The following SOHLH2 variants were observed in gnomAD, a reference collection of about 807,000 sequenced individuals.
SOHLH2 encodes the protein spermatogenesis- and oogenesis-specific basic helix-loop-helix-containing protein 2.
Under a neutral mutation model 50.4 loss-of-function variants are expected in SOHLH2, and 22 were observed. The ratio of observed to expected loss-of-function variants is 0.44; its 90% CI spans 0.31 to 0.62. The LOEUF is 0.62. SOHLH2 is among the 20% of genes least tolerant of loss of function. The probability of loss-of-function intolerance (pLI) is 0.08; values close to 1 mark genes in which losing one functional copy is unlikely to be tolerated. For missense variants in SOHLH2, 412 were observed against 504.4 expected (o/e 0.82, Z 1.76); for synonymous variants, 185 against 187.3 (o/e 0.99, Z 0.10).
At chr13:36,179,804 T>G (rs1887199826) in intron 6 of SOHLH2, among the ~76,000 whole-genome samples, 1 of 152,190 alleles carries the variant, frequency 6.6e-6, no homozygotes, top group Admixed American at 6.5e-5. Flanking sequence ...ATTTCTTGAT[T>G]TAATTTGCTA....
intron 6 of SOHLH2, among the ~76,000 whole-genome samples, chr13:36,175,841 G>A (rs967875667): frequency 6.6e-5 from 10 of 152,274 alleles, no homozygotes; most frequent in Non-Finnish European, 1.3e-4. Flanking sequence ...ATTCTGGGAA[G>A]GGAAGGATAG....
intron 1 of SOHLH2, among the ~76,000 whole-genome samples, 171 bp downstream of exon 1, chr13:36,214,308 G>T (rs544796427): frequency 6.6e-6 from 1 of 151,966 alleles, no homozygotes; most frequent in Non-Finnish European, 1.5e-5. Context: ...TCGGGGCGCC[G>T]GGGGAGAGTG....
At chr13:36,198,688 A>T (rs1369278656) in intron 2 of SOHLH2, among the ~76,000 whole-genome samples, 3 of 152,248 alleles carry the variant, frequency 2.0e-5, no homozygotes, top group Non-Finnish European at 4.4e-5. Flanking sequence ...TAGTTTTGTA[A>T]GATTAAATTT....
At chr13:36,202,983 T>TTGCAAGAAAGAACAGGTGAGG (rs1868518156) in intron 1 of SOHLH2, among the ~76,000 whole-genome samples, 1 of 152,208 alleles carries the variant, frequency 6.6e-6, no homozygotes, top group African/African-American at 2.4e-5. Context: ...TTCCTGAGGG[T>TTGCAAGAAAGAACAGGTGAGG]TGCAAGAAAG....
chr13:36,198,705 C>G (rs181322642), intron 2 of SOHLH2, among the ~76,000 whole-genome samples: 1 of 152,286 alleles, frequency 6.6e-6, no homozygotes, highest in Admixed American at 6.5e-5. Context: ...ATTTAAGAAT[C>G]TTTTAAGGAA....
Position 36,183,267 on chromosome 13 carries a change from C to CGTG in SOHLH2, c.641+6678_641+6679insCAC, listed in dbSNP as rs1285007953. The CGTG allele has an allele frequency of 4.9e-5, 12 of 243,270 alleles. No homozygotes were observed. In the East Asian group the frequency reaches 1.2e-3, roughly 24 times the overall value. The allele number at this position is 243,270 out of a possible 1,614,324, so 15.1% of individuals were successfully genotyped here. A position where few individuals can be genotyped will look rare whatever the true frequency, so the allele number is the denominator to read the frequency against. ...CTCAGTCTCTGGTATTTCTTTATAG[C>CGTG]AACACAAGAATGGACTAACACAATA... On this transcript the variant is annotated intron_variant, in intron 6 of 10. Coordinates refer to ENST00000379881, the MANE Select transcript of SOHLH2 (RefSeq NM_017826.3).
At chr13:36,172,281 G>A (rs1407419430) in intron 9 of SOHLH2, among the ~76,000 whole-genome samples, 1 of 152,244 alleles carries the variant, frequency 6.6e-6, no homozygotes, top group African/African-American at 2.4e-5. Context: ...ACAGGCATAT[G>A]CCTGTGGCCT....
At position 36,173,748 on chromosome 13, in the gene SOHLH2, C is replaced by G. The variant is rs1478927092; in HGVS notation, c.944G>C (p.Cys315Ser). 6 of 1,613,822 alleles carry G rather than the reference C, an allele frequency of 3.7e-6. No individual in the cohort carries two copies. Among genetic ancestry groups the G allele is most frequent in the African/African-American group, 1.3e-5 (1 of 74,924 alleles). The part of the protein sequence containing the change: ...ERGLQFLTNT[C>S]WNGCSTPDAE... ...ATCAGGAGTGGAGCACCCATTCCAG[C>G]ACGTATTAGTCAGGAATTGGAGCCC... is the stretch of plus-strand genomic sequence containing the variant. The change falls in exon 9 of 11, where the codon TGC becomes TCC. Residue 315 changes from cysteine to serine, a missense_variant. Cys to Ser is a moderately radical substitution (Grantham distance 112, BLOSUM62 -1). Transcript: ENST00000379881.
chr13:36,193,803 T>C lies in SOHLH2; in HGVS notation c.325+3A>G. The C allele has an allele frequency of 1.2e-6, 2 of 1,604,710 alleles. No homozygotes were observed. Among genetic ancestry groups the C allele is most frequent in the Non-Finnish European group, 1.7e-6 (2 of 1,177,774 alleles). On this transcript the variant is annotated splice_donor_region_variant and intron_variant, in intron 3 of 10. Coordinates refer to ENST00000379881, the MANE Select transcript of SOHLH2 (RefSeq NM_017826.3). Reference sequence around the variant, plus strand: ...ACAAATACTATATTTAGCAGGTACATACCTTTAAAATTTTCAGGGATTATA... The same window carrying C: ...ACAAATACTATATTTAGCAGGTACACACCTTTAAAATTTTCAGGGATTATA...
intron 1 of SOHLH2, among the ~76,000 whole-genome samples, chr13:36,213,768 GT>G: frequency 6.6e-6 from 1 of 152,306 alleles, no homozygotes; most frequent in Admixed American, 6.5e-5. Context: ...TCCACACAAA[GT>G]TGCCTGTTTG....
chr13:36,184,892 G>T (rs1031972122), intron 6 of SOHLH2, among the ~76,000 whole-genome samples: 1 of 152,102 alleles, frequency 6.6e-6, no homozygotes, highest in African/African-American at 2.4e-5. Context: ...CATGCATTAG[G>T]TATTTGTCCT....
intron 9 of SOHLH2, 66 bp from the exon 10 acceptor site, chr13:36,170,853 T>C (rs1294372877): frequency 5.7e-6 from 9 of 1,565,306 alleles, no homozygotes; most frequent in East Asian, 2.3e-5. Context: ...ACGACTGTTA[T>C]TCGACATAAA....
chr13:36,178,850 G>A (rs1416368340), intron 6 of SOHLH2, among the ~76,000 whole-genome samples: 1 of 147,444 alleles, frequency 6.8e-6, no homozygotes, highest in Non-Finnish European at 1.5e-5. Context: ...TTGTTCCTAA[G>A]TATCCTAAAG....
intron 6 of SOHLH2, chr13:36,182,582 C>A (rs1200157082): frequency 6.6e-6 from 1 of 152,338 alleles, no homozygotes; most frequent in Non-Finnish European, 1.5e-5. Flanking sequence ...CCCATTTGAG[C>A]ACAACCTGCA....
chr13:36,173,635 G>C (rs1887022142), intron 9 of SOHLH2, 57 bp downstream of exon 9: 1 of 1,601,328 alleles, frequency 6.2e-7, no homozygotes, highest in African/African-American at 1.3e-5. Flanking sequence ...GAGCCTGGGG[G>C]TTTGCAGGGC....
chr13:36,210,078 T>C (rs1869019220), intron 1 of SOHLH2, among the ~76,000 whole-genome samples: 1 of 152,202 alleles, frequency 6.6e-6, no homozygotes, highest in Non-Finnish European at 1.5e-5. Context: ...GGGAAATTAC[T>C]CATACCAGGA....
chr13:36,205,647 T>G (rs1243142277), intron 1 of SOHLH2, among the ~76,000 whole-genome samples: 1 of 152,142 alleles, frequency 6.6e-6, no homozygotes, highest in Non-Finnish European at 1.5e-5. Context: ...GATTTTTGCA[T>G]CTATGTTCAT....
At chr13:36,185,595 A>G (rs1887394673) in intron 6 of SOHLH2, among the ~76,000 whole-genome samples, 1 of 152,194 alleles carries the variant, frequency 6.6e-6, no homozygotes, top group Non-Finnish European at 1.5e-5. Flanking sequence ...CACTGAAAAA[A>G]AATCGATAAA....
rs756175551 is a variant in SOHLH2, at chr13:36,174,877, C to A, written c.642-8G>T. ...CAATATTTGATTCTTTCCCTGGACA[C>A]AGAATTGCAATACATAAAGAATAAT... On this transcript the variant is annotated splice_region_variant and splice_polypyrimidine_tract_variant and intron_variant, in intron 6 of 10. Coordinates refer to ENST00000379881, the MANE Select transcript of SOHLH2 (RefSeq NM_017826.3). The A allele has an allele frequency of 7.7e-6, 12 of 1,563,030 alleles. No homozygotes were observed. Among genetic ancestry groups the A allele is most frequent in the Non-Finnish European group, 3.4e-6 (4 of 1,161,904 alleles).
Sources: gnomAD v4.1 joint callset for allele counts (sites outside exome capture counted in the v4.1 genomes callset) on GRCh38, gnomAD v4.1.1 for gene constraint, MANE v1.5 for transcripts, NCBI Gene and HGNC (gene_info 2026-07-23, HGNC 2026-07-21) for gene names.